The following CRPPA variants were observed in gnomAD, a reference collection of about 807,000 sequenced individuals.
The protein encoded by CRPPA is CDP-L-ribitol pyrophosphorylase A.
A neutral mutation model predicts 52.0 loss-of-function variants in CRPPA; 43 were observed. That is an observed-to-expected ratio of 0.83 (90% confidence interval 0.65 to 1.07). The LOEUF is 1.07. CRPPA is among the 50% of genes least tolerant of loss of function. The probability of loss-of-function intolerance (pLI) is 0.00; values close to 1 mark genes in which losing one functional copy is unlikely to be tolerated. For synonymous variants in CRPPA, 250 were observed against 203.5 expected (o/e 1.23, Z -1.94); for missense variants, 629 against 551.7 (o/e 1.14, Z -1.40).
intron 2 of CRPPA, among the ~76,000 whole-genome samples, chr7:16,397,355 T>C (rs1008806211): frequency 3.3e-5 from 5 of 152,090 alleles, no homozygotes; most frequent in Admixed American, 6.5e-5. Context: ...GTGTTACAGG[T>C]GACTGACGTG....
chr7:16,307,027 A>C (rs1315278343), intron 4 of CRPPA, among the ~76,000 whole-genome samples: 2 of 152,184 alleles, frequency 1.3e-5, no homozygotes, highest in African/African-American at 2.4e-5. Context: ...GAGGCTGATC[A>C]TGTTACTGTG....
At chr7:16,406,912 A>G (rs1029922005) in intron 1 of CRPPA, among the ~76,000 whole-genome samples, 9 of 152,236 alleles carry the variant, frequency 5.9e-5, no homozygotes, top group African/African-American at 1.9e-4. Flanking sequence ...TAAAGTGGAA[A>G]AGCTTACAAT....
At chr7:16,339,225 CA>C (rs1225854164) in intron 3 of CRPPA, among the ~76,000 whole-genome samples, 1 of 150,920 alleles carries the variant, frequency 6.6e-6, no homozygotes, top group African/African-American at 2.4e-5. Flanking sequence ...ATTCCAAAAA[CA>C]AAAAAAGACA....
At chr7:16,261,630 G>T (rs369876786) in intron 6 of CRPPA, among the ~76,000 whole-genome samples, 1 of 151,670 alleles carries the variant, frequency 6.6e-6, no homozygotes, top group Non-Finnish European at 1.5e-5. Context: ...ACATTTTTAG[G>T]TTCCTTGAGT....
chr7:16,138,085 C>T (rs779058809), intron 9 of CRPPA, among the ~76,000 whole-genome samples: 2 of 151,990 alleles, frequency 1.3e-5, no homozygotes, highest in South Asian at 2.1e-4. Flanking sequence ...TGAAAGTCAG[C>T]GAAGTTAAAA....
rs1021013417 is a variant in CRPPA, at chr7:16,124,148, C to T, written c.1252-32349G>A. Reference sequence around the variant, plus strand: ...TTTGAGGAACCTCCATACTGTTTTCCATAATGGCTGTACCAATTTACATTC... The same window carrying T: ...TTTGAGGAACCTCCATACTGTTTTCTATAATGGCTGTACCAATTTACATTC... On this transcript the variant is annotated intron_variant, in intron 9 of 9. Transcript: ENST00000407010. Among the ~76,000 whole-genome samples the T allele has an allele frequency of 1.0e-4, 15 of 144,470 alleles. No homozygotes were observed. In the Admixed American group the frequency reaches 1.0e-3, roughly 10 times the overall value. 94.8% of individuals were successfully genotyped at this position (144,470 alleles called of 152,430 possible). A position where few individuals can be genotyped will look rare whatever the true frequency, so the allele number is the denominator to read the frequency against.
chr7:16,165,330 G>A (rs1216501338), intron 9 of CRPPA, among the ~76,000 whole-genome samples: 1 of 151,844 alleles, frequency 6.6e-6, no homozygotes, highest in Non-Finnish European at 1.5e-5. Flanking sequence ...GATCTGTTTA[G>A]ATTATAAAAC....
chr7:16,320,597 T>A (rs1025550072), intron 3 of CRPPA, among the ~76,000 whole-genome samples: 1 of 152,116 alleles, frequency 6.6e-6, no homozygotes, highest in East Asian at 1.9e-4. Context: ...GAACAATATA[T>A]ACATTAGAGT....
chr7:16,329,422 C>A (rs887307169), intron 3 of CRPPA, among the ~76,000 whole-genome samples: 2 of 152,126 alleles, frequency 1.3e-5, no homozygotes, highest in Non-Finnish European at 2.9e-5. Context: ...AAATATATTC[C>A]CCTCTAGATT....
At chr7:16,176,890 A>C (rs1367346269) in intron 9 of CRPPA, among the ~76,000 whole-genome samples, 1 of 152,206 alleles carries the variant, frequency 6.6e-6, no homozygotes. Context: ...ATTTATAGTC[A>C]CAAAATCTTG....
chr7:16,117,342 C>T (rs147530863), intron 9 of CRPPA, among the ~76,000 whole-genome samples: 28 of 152,270 alleles, frequency 1.8e-4, no homozygotes, highest in Middle Eastern at 3.4e-3. Flanking sequence ...GAACTGAGCA[C>T]GTAGTCATAT....
At chr7:16,122,614 G>A (rs760801775) in intron 9 of CRPPA, among the ~76,000 whole-genome samples, 2 of 151,966 alleles carry the variant, frequency 1.3e-5, no homozygotes, top group Non-Finnish European at 1.5e-5. Flanking sequence ...GATTTGTTTT[G>A]TTTTAATGTC....
At chr7:16,419,045 T>C (rs1253257190) in intron 1 of CRPPA, among the ~76,000 whole-genome samples, 4 of 152,192 alleles carry the variant, frequency 2.6e-5, no homozygotes, top group Non-Finnish European at 5.9e-5. Context: ...ACAATGTTCA[T>C]GGCACTGGAA....
At chr7:16,304,631 A>T (rs1047395601) in intron 4 of CRPPA, among the ~76,000 whole-genome samples, 7 of 151,900 alleles carry the variant, frequency 4.6e-5, no homozygotes, top group African/African-American at 1.7e-4. Context: ...ACAGAGCAAG[A>T]CTCCATCTCA....
intron 2 of CRPPA, among the ~76,000 whole-genome samples, chr7:16,382,602 C>T (rs1275901018): frequency 6.6e-6 from 1 of 152,048 alleles, no homozygotes; most frequent in Non-Finnish European, 1.5e-5. Context: ...AACTTGGTTC[C>T]ATTCTCCCCG....
At chr7:16,094,667 A>C (rs1042660029) in intron 9 of CRPPA, among the ~76,000 whole-genome samples, 1 of 152,076 alleles carries the variant, frequency 6.6e-6, no homozygotes, top group African/African-American at 2.4e-5. Flanking sequence ...AACTCAGGTA[A>C]GCAGGGTCCA....
At chr7:16,316,269 C>A (rs1294354825) in intron 3 of CRPPA, among the ~76,000 whole-genome samples, 1 of 151,976 alleles carries the variant, frequency 6.6e-6, no homozygotes, top group African/African-American at 2.4e-5. Context: ...TGGAAGGTCT[C>A]AGAAAAAATG....
At chr7:16,117,769 T>C (rs1782406023) in intron 9 of CRPPA, among the ~76,000 whole-genome samples, 1 of 152,212 alleles carries the variant, frequency 6.6e-6, no homozygotes, top group Non-Finnish European at 1.5e-5. Flanking sequence ...GCCTCACGTG[T>C]TTGACCAGAA....
chr7:16,205,079 C>G (rs1781941585), intron 9 of CRPPA, among the ~76,000 whole-genome samples: 1 of 152,150 alleles, frequency 6.6e-6, no homozygotes, highest in Non-Finnish European at 1.5e-5. Flanking sequence ...AAGACAGAGG[C>G]TTGCAAACAA....
Sources: gnomAD v4.1 joint callset for allele counts (sites outside exome capture counted in the v4.1 genomes callset) on GRCh38, gnomAD v4.1.1 for gene constraint, MANE v1.5 for transcripts, NCBI Gene and HGNC (gene_info 2026-07-23, HGNC 2026-07-21) for gene names.